The following CHRM3 variants were observed in gnomAD, a reference collection of about 807,000 sequenced individuals.
The protein encoded by CHRM3 is muscarinic acetylcholine receptor M3.
In CHRM3, 11 loss-of-function variants were observed where a neutral mutation model predicts 41.8. That is an observed-to-expected ratio of 0.26 (90% CI 0.17 to 0.44). The LOEUF is 0.44. CHRM3 is among the 20% of genes least tolerant of loss of function. The pLI, the probability that CHRM3 is intolerant of heterozygous loss-of-function variation, is 1.00. For synonymous variants in CHRM3, 297 were observed against 301.4 expected (o/e 0.99, Z 0.15); for missense variants, 571 against 745.4 (o/e 0.77, Z 2.72).
At chr1:239,688,305 T>G (rs1273202658) in intron 5 of CHRM3, among the ~76,000 whole-genome samples, 3 of 147,008 alleles carry the variant, frequency 2.0e-5, no homozygotes, top group Non-Finnish European at 4.5e-5. Context: ...GTATTTTATA[T>G]ATATGTACGT....
intron 5 of CHRM3, among the ~76,000 whole-genome samples, chr1:239,792,203 A>G (rs928134878): frequency 1.3e-5 from 2 of 152,104 alleles, no homozygotes; most frequent in African/African-American, 4.8e-5. Context: ...TGCCAGGATC[A>G]TGGAGGGAGA....
intron 2 of CHRM3, among the ~76,000 whole-genome samples, chr1:239,497,007 T>C (rs543513523): frequency 6.6e-6 from 1 of 152,300 alleles, no homozygotes; most frequent in African/African-American, 2.4e-5. Context: ...GTTGCATTGA[T>C]ATTCCCAAGT....
intron 1 of CHRM3, among the ~76,000 whole-genome samples, chr1:239,455,113 G>A (rs999117405): frequency 5.3e-5 from 8 of 152,026 alleles, no homozygotes; most frequent in East Asian, 1.9e-4. Context: ...GCACAATGGC[G>A]TGATCTCGGC....
chr1:239,471,481 A>G (rs1558247894), intron 1 of CHRM3, among the ~76,000 whole-genome samples: 1 of 152,180 alleles, frequency 6.6e-6, no homozygotes, highest in African/African-American at 2.4e-5. Context: ...AGATCCATAC[A>G]TACTTGGGGT....
chr1:239,752,186 T>C (rs1396206391), intron 5 of CHRM3, among the ~76,000 whole-genome samples: 2 of 152,158 alleles, frequency 1.3e-5, no homozygotes, highest in East Asian at 3.9e-4. Context: ...GGGGGATTTG[T>C]GGTCAGACAT....
At chr1:239,718,231 A>G (rs1438591635) in intron 5 of CHRM3, among the ~76,000 whole-genome samples, 5 of 152,068 alleles carry the variant, frequency 3.3e-5, no homozygotes, top group Non-Finnish European at 5.9e-5. Flanking sequence ...TGAAGTGTAT[A>G]TTTTCCAATC....
At chr1:239,772,196 G>A (rs1221237788) in intron 5 of CHRM3, among the ~76,000 whole-genome samples, 1 of 152,032 alleles carries the variant, frequency 6.6e-6, no homozygotes, top group Non-Finnish European at 1.5e-5. Context: ...TGTCACCCGG[G>A]CTGAAGTGCA....
At chr1:239,662,347 T>G (rs1673285901) in intron 4 of CHRM3, among the ~76,000 whole-genome samples, 1 of 152,116 alleles carries the variant, frequency 6.6e-6, no homozygotes, top group Non-Finnish European at 1.5e-5. Flanking sequence ...TGACTGTACA[T>G]GATTGTAGTA....
At chr1:239,821,250 T>C (rs1253443125) in intron 5 of CHRM3, among the ~76,000 whole-genome samples, 2 of 152,180 alleles carry the variant, frequency 1.3e-5, no homozygotes, top group Non-Finnish European at 2.9e-5. Context: ...AGCTATTGAG[T>C]CTCTAATGAG....
chr1:239,849,400 CT>C (rs1442365490), intron 6 of CHRM3, among the ~76,000 whole-genome samples: 1 of 152,168 alleles, frequency 6.6e-6, no homozygotes, highest in Non-Finnish European at 1.5e-5. Flanking sequence ...CACGCCTGGA[CT>C]TGAGTCCTAA....
rs528425159 is a variant in CHRM3, at chr1:239,792,165, T to C, written c.-146-35087T>C. On this transcript the variant is annotated intron_variant, in intron 5 of 6. Transcript: ENST00000676153. The stretch of plus-strand genomic sequence containing the variant: ...ATCAAGGCTAGTCCTCTTCCTTCCT[T>C]TGCCCTTTCTTCCTTTCTGACTTTC... 5.3e-5 allele frequency among the ~76,000 whole-genome samples: 8 copies of C among 152,268 alleles called. No individual in the cohort carries two copies. The East Asian group carries it at 1.5e-3, about 29-fold the overall frequency.
At chr1:239,745,695 T>C (rs914491475) in intron 5 of CHRM3, among the ~76,000 whole-genome samples, 1 of 152,152 alleles carries the variant, frequency 6.6e-6, no homozygotes, top group Non-Finnish European at 1.5e-5. Context: ...AGGAAAGTTT[T>C]CAAGATAAGA....
At chr1:239,891,556 G>T (rs1172400790) in intron 6 of CHRM3, among the ~76,000 whole-genome samples, 1 of 152,096 alleles carries the variant, frequency 6.6e-6, no homozygotes, top group Non-Finnish European at 1.5e-5. Flanking sequence ...TGAGTAGGGT[G>T]GCCTAATATA....
chr1:239,434,445 G>A (rs917805117), intron 1 of CHRM3, among the ~76,000 whole-genome samples: 3 of 152,108 alleles, frequency 2.0e-5, no homozygotes, highest in Admixed American at 2.0e-4. Context: ...CTATATAATA[G>A]CAGTGTTGCT....
At chr1:239,889,939 A>G (rs1317979702) in intron 6 of CHRM3, among the ~76,000 whole-genome samples, 1 of 152,200 alleles carries the variant, frequency 6.6e-6, no homozygotes, top group Non-Finnish European at 1.5e-5. Flanking sequence ...TCTGTGTTGA[A>G]TGTAGAACTG....
At chr1:239,697,970 G>A (rs910584388) in intron 5 of CHRM3, among the ~76,000 whole-genome samples, 2 of 152,178 alleles carry the variant, frequency 1.3e-5, no homozygotes, top group African/African-American at 4.8e-5. Flanking sequence ...CCTGGTAGAT[G>A]ATGAGAGAGA....
chr1:239,826,760 G>A (rs1672494602), intron 5 of CHRM3: 1 of 152,124 alleles, frequency 6.6e-6, no homozygotes, highest in Non-Finnish European at 1.5e-5. Context: ...GGAAGAAAAT[G>A]CCTCAATCTG....
At chr1:239,633,566 C>A (rs181444921) in intron 4 of CHRM3, among the ~76,000 whole-genome samples, 3 of 152,334 alleles carry the variant, frequency 2.0e-5, no homozygotes, top group Non-Finnish European at 4.4e-5. Context: ...ATATTCTCAT[C>A]TTCCCAGACT....
At chr1:239,444,695 G>A (rs1038262277) in intron 1 of CHRM3, among the ~76,000 whole-genome samples, 3 of 152,024 alleles carry the variant, frequency 2.0e-5, no homozygotes, top group East Asian at 1.9e-4. Flanking sequence ...GGCAAACACC[G>A]CGATTACTTT....
Sources: gnomAD v4.1 joint callset for allele counts (sites outside exome capture counted in the v4.1 genomes callset) on GRCh38, gnomAD v4.1.1 for gene constraint, MANE v1.5 for transcripts, NCBI Gene and HGNC (gene_info 2026-07-23, HGNC 2026-07-21) for gene names.